KAZN: variants seen among roughly 807,000 people sequenced by gnomAD.
KAZN encodes the protein kazrin, periplakin interacting protein.
Under a neutral mutation model 87.4 loss-of-function variants are expected in KAZN, and 40 were observed. That is an observed-to-expected ratio of 0.46 (90% CI 0.36 to 0.60). The LOEUF is 0.60. Among genes scored for constraint, KAZN ranks in the 20% least tolerant of loss-of-function variants. KAZN has a pLI of 0.00. For synonymous variants in KAZN, 466 were observed against 458.3 expected (o/e 1.02, Z -0.22); for missense variants, 898 against 1,073.9 (o/e 0.84, Z 2.29).
intron 1 of KAZN, among the ~76,000 whole-genome samples, chr1:14,600,092 C>T (rs1676835692): frequency 1.1e-5 from 1 of 88,602 alleles, no homozygotes; most frequent in African/African-American, 3.2e-5. Flanking sequence ...GGTAAGCAGG[C>T]TTTGGGGGAT....
chr1:13,943,344 C>T (rs948261962), intron 1 of KAZN, among the ~76,000 whole-genome samples: 4 of 152,102 alleles, frequency 2.6e-5, no homozygotes, highest in Non-Finnish European at 5.9e-5. Flanking sequence ...GTGGCCCATA[C>T]CTGTAATCCT....
intron 1 of KAZN, among the ~76,000 whole-genome samples, chr1:14,786,706 G>T (rs60169598): frequency 0.014 from 2,194 of 152,234 alleles, 39 homozygotes; most frequent in African/African-American, 0.049. Flanking sequence ...AAATACCTTT[G>T]TATACAGCAA....
intron 2 of KAZN, among the ~76,000 whole-genome samples, chr1:14,182,401 C>T (rs1323764741): frequency 6.6e-6 from 1 of 152,172 alleles, no homozygotes; most frequent in Admixed American, 6.5e-5. Context: ...TTGCTTCTGT[C>T]TTTTAAACTA....
chr1:14,407,037 A>G (rs12410249), intron 2 of KAZN, among the ~76,000 whole-genome samples: 43,938 of 152,166 alleles, frequency 0.29, 7,170 homozygotes, highest in Admixed American at 0.38. Flanking sequence ...AAAATAGATC[A>G]CTTAGTTTGC....
At position 14,624,378 on chromosome 1, in the gene KAZN, C is replaced by T. The variant is rs185101042; in HGVS notation, c.226+25155C>T. Among the ~76,000 whole-genome samples the T allele has an allele frequency of 3.1e-3, 464 of 151,290 alleles. 2 individuals carry two copies. The highest frequency in any genetic ancestry group is 9.1e-3 in the African/African-American group (374 of 40,896). ...CGGAGGTTGCAGTGAGCCAAGATCG[C>T]GCCACTGCACTCCAGCCTGGCCAAC... On this transcript the variant is annotated intron_variant, in intron 1 of 14. Transcript: ENST00000376030.
At chr1:14,175,658 C>T (rs1041517066) in intron 1 of KAZN, among the ~76,000 whole-genome samples, 3 of 152,156 alleles carry the variant, frequency 2.0e-5, no homozygotes, top group South Asian at 2.1e-4. Flanking sequence ...ACCCCAAATC[C>T]GCTAGCCTAC....
At chr1:15,007,964 C>T (rs1573046831) in intron 2 of KAZN, among the ~76,000 whole-genome samples, 2 of 152,172 alleles carry the variant, frequency 1.3e-5, no homozygotes, top group Admixed American at 6.5e-5. Flanking sequence ...GCGGCCCCTG[C>T]GAGTGGGACT....
chr1:14,666,596 G>A (rs537772235), intron 1 of KAZN, among the ~76,000 whole-genome samples: 17 of 152,224 alleles, frequency 1.1e-4, no homozygotes, highest in African/African-American at 4.1e-4. Flanking sequence ...AAGGATACAC[G>A]CCCTCTGAAG....
At chr1:14,288,548 G>A (rs916611001) in intron 2 of KAZN, among the ~76,000 whole-genome samples, 14 of 151,942 alleles carry the variant, frequency 9.2e-5, no homozygotes, top group African/African-American at 1.5e-4. Context: ...TTTTTGTTGC[G>A]TCTATTTGAT....
At chr1:14,746,797 G>T (rs1644272962) in intron 1 of KAZN, among the ~76,000 whole-genome samples, 2 of 152,214 alleles carry the variant, frequency 1.3e-5, no homozygotes, top group Admixed American at 6.5e-5. Context: ...GTCTAGAGAT[G>T]TCACTGCTGT....
intron 2 of KAZN, among the ~76,000 whole-genome samples, chr1:14,409,988 AAC>A (rs1664174536): frequency 2.0e-5 from 3 of 152,222 alleles, no homozygotes; most frequent in Admixed American, 2.0e-4. Context: ...GATATGAAAA[AAC>A]AATCAGCTGG....
At chr1:14,297,722 A>G (rs1654234960) in intron 2 of KAZN, among the ~76,000 whole-genome samples, 1 of 152,216 alleles carries the variant, frequency 6.6e-6, no homozygotes, top group Admixed American at 6.5e-5. Context: ...CTTACTCATT[A>G]GAAAGCAAGC....
intron 1 of KAZN, among the ~76,000 whole-genome samples, chr1:14,953,505 T>G (rs1662742787): frequency 1.3e-5 from 2 of 152,256 alleles, no homozygotes; most frequent in South Asian, 4.1e-4. Context: ...AACTTCCCCA[T>G]CTATAAACTG....
At chr1:14,548,556 T>C (rs1673317446) in intron 2 of KAZN, among the ~76,000 whole-genome samples, 1 of 152,228 alleles carries the variant, frequency 6.6e-6, no homozygotes, top group Admixed American at 6.5e-5. Context: ...CAATATATAA[T>C]TCTATTTTAC....
chr1:15,037,406 G>C (rs1386846221), intron 3 of KAZN, among the ~76,000 whole-genome samples: 1 of 152,152 alleles, frequency 6.6e-6, no homozygotes, highest in Non-Finnish European at 1.5e-5. Context: ...AGATAGGTTA[G>C]CATCTCACCT....
chr1:14,231,957 G>A (rs1185378072), intron 2 of KAZN, among the ~76,000 whole-genome samples: 1 of 152,170 alleles, frequency 6.6e-6, no homozygotes, highest in African/African-American at 2.4e-5. Context: ...CTTAAGGGAA[G>A]GGTCTGGGGG....
chr1:14,484,927 C>T (rs1021737531), intron 2 of KAZN, among the ~76,000 whole-genome samples: 4 of 152,158 alleles, frequency 2.6e-5, no homozygotes, highest in African/African-American at 7.2e-5. Context: ...CTCATAGCCT[C>T]GGCCAAAGCA....
chr1:14,220,648 G>T (rs761577429), intron 2 of KAZN, among the ~76,000 whole-genome samples: 5 of 152,100 alleles, frequency 3.3e-5, no homozygotes, highest in African/African-American at 1.2e-4. Context: ...CCAGTACCAG[G>T]CACTTTATAC....
chr1:14,606,663 C>G (rs1337663468), intron 1 of KAZN, among the ~76,000 whole-genome samples: 1 of 152,078 alleles, frequency 6.6e-6, no homozygotes, highest in Admixed American at 6.6e-5. Flanking sequence ...CACCCCAAGA[C>G]CATGCCCAAC....
Sources: gnomAD v4.1 joint callset for allele counts (sites outside exome capture counted in the v4.1 genomes callset) on GRCh38, gnomAD v4.1.1 for gene constraint, MANE v1.5 for transcripts, NCBI Gene and HGNC (gene_info 2026-07-23, HGNC 2026-07-21) for gene names.